KCNT2: variants seen among roughly 807,000 people sequenced by gnomAD.
The protein encoded by KCNT2 is potassium sodium-activated channel subfamily T member 2.
KCNT2 carries 67 observed loss-of-function variants against 153.8 expected under a neutral mutation model. The ratio of observed to expected loss-of-function variants is 0.44; its 90% CI spans 0.36 to 0.53. The LOEUF (loss-of-function observed/expected upper bound fraction) is 0.53, where lower values mean the gene tolerates loss of function less well. KCNT2 is among the 20% of genes least tolerant of loss of function. The pLI is 0.00. For synonymous variants in KCNT2, 500 were observed against 458.8 expected (o/e 1.09, Z -1.15); for missense variants, 975 against 1,354.8 (o/e 0.72, Z 4.40).
chr1:196,307,817 G>A (rs1389249936), intron 21 of KCNT2, among the ~76,000 whole-genome samples: 9 of 151,982 alleles, frequency 5.9e-5, no homozygotes, highest in Admixed American at 4.6e-4. Context: ...AAAGTGGCCT[G>A]ATGGAAAAAA....
chr1:196,364,994 G>A (rs1265333893), intron 14 of KCNT2, among the ~76,000 whole-genome samples: 2 of 151,942 alleles, frequency 1.3e-5, no homozygotes, highest in African/African-American at 4.8e-5. Flanking sequence ...ATAAAATATA[G>A]CATTGGAATT....
Position 196,489,911 on chromosome 1 carries a change from A to G in KCNT2, c.202T>C (p.Ser68Pro). 1 of 1,582,190 alleles carries G rather than the reference A, an allele frequency of 6.3e-7. No homozygotes were observed. The highest frequency in any genetic ancestry group is 8.6e-7 in the Non-Finnish European group (1 of 1,163,184). Reference sequence around the variant, plus strand: ...AATAAGCAGCTTAGTAATTTGAGAGAAAAATTGAACAGGCGTATCCTTAGA... The same window carrying G: ...AATAAGCAGCTTAGTAATTTGAGAGGAAAATTGAACAGGCGTATCCTTAGA... ...SSLRIRLFNF[S>P]LKLLSCLLYI... Residue 68 changes from serine (S) to proline (P), a missense_variant, in exon 3 of 28, where the codon TCT (serine) becomes CCT (proline). Around this residue, in one of 6 missense-constraint regions of KCNT2, gnomAD observed 140 missense variants for 216.0 expected, o/e 0.65. Transcript: ENST00000294725.
chr1:196,260,860 A>G (rs1656951044), intron 25 of KCNT2, among the ~76,000 whole-genome samples: 1 of 151,890 alleles, frequency 6.6e-6, no homozygotes. Context: ...ATTTGACAGA[A>G]ATGTGAAAAT....
intron 1 of KCNT2, among the ~76,000 whole-genome samples, chr1:196,562,540 T>C (rs962787658): frequency 2.0e-5 from 3 of 152,028 alleles, no homozygotes; most frequent in Non-Finnish European, 4.4e-5. Context: ...TCCAAGAAAT[T>C]TGGACATGAA....
chr1:196,500,074 G>T (rs1325404374), intron 1 of KCNT2, among the ~76,000 whole-genome samples: 1 of 151,768 alleles, frequency 6.6e-6, no homozygotes, highest in Non-Finnish European at 1.5e-5. Flanking sequence ...AACTTGGGAG[G>T]TGGAGATTGC....
At chr1:196,255,442 T>G (rs1393485392) in intron 26 of KCNT2, among the ~76,000 whole-genome samples, 1 of 149,446 alleles carries the variant, frequency 6.7e-6, no homozygotes, top group Non-Finnish European at 1.5e-5. Context: ...ATGTGTAGAT[T>G]GTCACTTTAG....
At chr1:196,422,660 C>T (rs1269610951) in intron 12 of KCNT2, among the ~76,000 whole-genome samples, 1 of 151,792 alleles carries the variant, frequency 6.6e-6, no homozygotes, top group African/African-American at 2.4e-5. Flanking sequence ...AGAAGGTTCT[C>T]AAATGCATAG....
intron 27 of KCNT2, among the ~76,000 whole-genome samples, chr1:196,234,076 G>T (rs1654194842): frequency 6.6e-6 from 1 of 151,298 alleles, no homozygotes. Context: ...CTAACACAAA[G>T]AAATTATAAA....
intron 1 of KCNT2, among the ~76,000 whole-genome samples, chr1:196,561,608 C>A (rs1005504907): frequency 7.4e-6 from 1 of 135,126 alleles, no homozygotes; most frequent in Admixed American, 8.2e-5. Flanking sequence ...GAGCTGAGAT[C>A]ACACCACTGC....
intron 23 of KCNT2, among the ~76,000 whole-genome samples, chr1:196,284,248 A>AAAAAAAAATATATATAT: frequency 1.0e-4 from 1 of 10,042 alleles, no homozygotes; most frequent in African/African-American, 1.4e-4. Flanking sequence ...AAAAAAAAAA[A>AAAAAAAAATATATATAT]ATATATATAT....
chr1:196,241,668 C>T lies in KCNT2; in HGVS notation c.3212-5598G>A, dbSNP rs995835469. 3.3e-5 allele frequency among the ~76,000 whole-genome samples: 5 copies of T among 152,136 alleles called. No homozygotes were observed. In the East Asian group the frequency reaches 5.8e-4, roughly 18 times the overall value. On this transcript the variant is annotated intron_variant, in intron 26 of 27. Coordinates refer to ENST00000294725, the MANE Select transcript of KCNT2 (RefSeq NM_198503.5). ...TATGAATATTCAGTGTATTCAACATCATATGAAACTATGAGCAAAATGAAT... is the reference window on the plus strand; with the variant it reads ...TATGAATATTCAGTGTATTCAACATTATATGAAACTATGAGCAAAATGAAT...
chr1:196,432,272 C>A (rs1296411508), intron 8 of KCNT2, among the ~76,000 whole-genome samples: 1 of 152,098 alleles, frequency 6.6e-6, no homozygotes. Context: ...CTTGGAGAGC[C>A]TTGGGGCCAA....
chr1:196,504,998 A>G (rs575732309), intron 1 of KCNT2, among the ~76,000 whole-genome samples: 2 of 152,122 alleles, frequency 1.3e-5, no homozygotes, highest in South Asian at 2.1e-4. Context: ...TTTGTCAGAT[A>G]AGTAGGTTGT....
intron 1 of KCNT2, among the ~76,000 whole-genome samples, chr1:196,493,906 T>A (rs1680049431): frequency 3.3e-5 from 5 of 152,244 alleles, no homozygotes; most frequent in Admixed American, 3.3e-4. Context: ...TGAAATTGTT[T>A]TAAAGTAAGC....
intron 22 of KCNT2, among the ~76,000 whole-genome samples, chr1:196,304,068 C>T (rs1408405136): frequency 6.6e-6 from 1 of 152,054 alleles, no homozygotes; most frequent in Non-Finnish European, 1.5e-5. Flanking sequence ...TCTATCTAGT[C>T]TCAAACTCAG....
intron 22 of KCNT2, among the ~76,000 whole-genome samples, chr1:196,293,825 G>C (rs1660418880): frequency 6.7e-6 from 1 of 149,114 alleles, no homozygotes; most frequent in Non-Finnish European, 1.5e-5. Flanking sequence ...ACAAACAAAT[G>C]GGATTATAAC....
chr1:196,301,593 A>G (rs898727842), intron 22 of KCNT2, among the ~76,000 whole-genome samples: 4 of 152,192 alleles, frequency 2.6e-5, no homozygotes, highest in African/African-American at 9.6e-5. Flanking sequence ...TAATCGTCAC[A>G]AAAGTAAAGT....
At position 196,251,145 on chromosome 1, in the gene KCNT2, T is replaced by A. The variant is rs1655930883; in HGVS notation, c.3211+7049A>T. On this transcript the variant is annotated intron_variant, in intron 26 of 27. Transcript: ENST00000294725. ...AGGTATATACCCAAAAGAAAGGATA[T>A]CTGCACTCCCATGTTTATTGCAGCT... Among the ~76,000 whole-genome samples, 3 of 152,032 alleles carry A rather than the reference T, an allele frequency of 2.0e-5. No individual in the cohort carries two copies. The South Asian group carries it at 6.2e-4, about 32-fold the overall frequency.
At chr1:196,282,230 C>T (rs1419174405) in intron 24 of KCNT2, 43 bp downstream of exon 24, 1 of 1,075,980 alleles carries the variant, frequency 9.3e-7, no homozygotes, top group Admixed American at 1.8e-5. Context: ...ATTTCAGAAC[C>T]TTCTATCACA....
Sources: allele counts gnomAD v4.1 joint callset (sites outside exome capture counted in the v4.1 genomes callset), GRCh38; gene constraint gnomAD v4.1.1; regional missense constraint gnomAD v4.1.1; transcripts MANE v1.5; gene names NCBI Gene and HGNC (gene_info 2026-07-23, HGNC 2026-07-21).